SLC2A3: variants seen among roughly 807,000 people sequenced by gnomAD.
SLC2A3 encodes the protein solute carrier family 2, facilitated glucose transporter member 3.
Under a neutral mutation model 46.4 loss-of-function variants are expected in SLC2A3, and 21 were observed. The observed-to-expected ratio is 0.45, with a 90% CI of 0.32 to 0.65. The LOEUF (loss-of-function observed/expected upper bound fraction) is 0.65. Ranked by LOEUF, SLC2A3 falls within the 30% of genes least tolerant of loss-of-function variation. SLC2A3 has a pLI of 0.04. For missense variants in SLC2A3, 499 were observed against 623.3 expected, an observed-to-expected ratio of 0.80 and a Z score of 2.12; for synonymous variants, 213 against 239.4, an observed-to-expected ratio of 0.89 and a Z score of 1.02.
chr12:7,929,919 C>G (rs781731264), intron 5 of SLC2A3, 48 bp from the exon 6 acceptor site: 2 of 1,612,284 alleles, frequency 1.2e-6, no homozygotes, highest in South Asian at 2.2e-5. Flanking sequence ...TGTGCTGCCC[C>G]AAATTCATTC....
intron 1 of SLC2A3, among the ~76,000 whole-genome samples, chr12:7,934,526 C>T (rs1020531708): frequency 2.0e-5 from 3 of 152,148 alleles, no homozygotes; most frequent in South Asian, 2.1e-4. Context: ...TTACTCTGAA[C>T]CCAACATATA....
At position 7,930,514 on chromosome 12, in the gene SLC2A3, G is replaced by A. The variant is rs778142486; in HGVS notation, c.639C>T (p.Leu213=). The change falls in exon 5 of 10, where the codon CTC becomes CTT. Residue 213 remains leucine, a synonymous_variant. Coordinates refer to ENST00000075120, the MANE Select transcript of SLC2A3 (RefSeq NM_006931.3). ...CATTCTCCTCTTCTTTTCTGTTAAT[G>A]AGCAAAAATCTGGGACTTTCAGGGC... The part of the protein sequence containing the change: ...PFCPESPRFL[L]INRKEEENAK... 8 of 1,613,612 alleles carry A rather than the reference G, an allele frequency of 5.0e-6. No individual in the cohort carries two copies. Among genetic ancestry groups the A allele is most frequent in the Middle Eastern group, 1.6e-4 (1 of 6,082 alleles).
chr12:7,936,129 C>T lies in SLC2A3; in HGVS notation c.-95G>A. ...AAAACCTTCAAAATGTCCTTCTCAG[C>T]AGCAAGTTTTCTCCACGTCCTCAGG... is the stretch of plus-strand genomic sequence containing the variant. On this transcript the variant is annotated 5_prime_UTR_variant, in exon 1 of 10. Transcript: ENST00000075120. 9.4e-7 allele frequency: 1 copy of T among 1,067,916 alleles called. No homozygotes were observed. Among genetic ancestry groups the T allele is most frequent in the Non-Finnish European group, 1.5e-6 (1 of 685,632 alleles). The allele number at this position is 1,067,916 out of a possible 1,614,324, so 66.2% of individuals were successfully genotyped here. A position where few individuals can be genotyped will look rare whatever the true frequency, so the allele number is the denominator to read the frequency against.
intron 6 of SLC2A3, among the ~76,000 whole-genome samples, chr12:7,928,608 A>C (rs906900284): frequency 1.3e-5 from 2 of 151,816 alleles, no homozygotes; most frequent in Non-Finnish European, 1.5e-5. Flanking sequence ...GAACTAACGC[A>C]AGGTACATTC....
chr12:7,922,645 T>C (rs1484490996), intron 9 of SLC2A3, among the ~76,000 whole-genome samples, 176 bp downstream of exon 9: 1 of 152,028 alleles, frequency 6.6e-6, no homozygotes, highest in East Asian at 1.9e-4. Context: ...AATTTCACCA[T>C]GTTGGCCAGG....
At chr12:7,926,829 AAAT>A (rs1366940274) in intron 6 of SLC2A3, among the ~76,000 whole-genome samples, 4 of 152,154 alleles carry the variant, frequency 2.6e-5, no homozygotes, top group African/African-American at 7.2e-5. Flanking sequence ...GTGTTTTATG[AAAT>A]AATACCAGCT....
In SLC2A3 at chr12:7,921,516, C is replaced by T. The variant is rs755803919; in HGVS notation, c.1388G>A (p.Arg463Gln). The T allele has an allele frequency of 2.2e-5, 35 of 1,613,724 alleles. No individual in the cohort carries two copies. The highest frequency in any genetic ancestry group is 2.5e-5 in the Non-Finnish European group (30 of 1,179,854). Residue 463 changes from arginine to glutamine, a missense_variant, in exon 10 of 10, where the codon CGG becomes CAG. Arg to Gln is a conservative substitution (Grantham distance 43). Transcript: ENST00000075120. Reference protein sequence around the residue: ...TRGRTFEDITRAFEGQAHGAD... With the variant: ...TRGRTFEDITQAFEGQAHGAD... ...ACCGTGTGCCTGCCCTTCAAAGGCC[C>T]GTGTGATATCCTCAAAAGTCCTGCC...
chr12:7,923,097 T>G (rs975302440), intron 8 of SLC2A3, 73 bp from the exon 9 acceptor site: 6 of 1,398,688 alleles, frequency 4.3e-6, no homozygotes, highest in African/African-American at 1.4e-5. Flanking sequence ...CCAGAAGCAA[T>G]TAACGGCAAG....
chr12:7,923,572 G>A (rs1946061747), intron 8 of SLC2A3, among the ~76,000 whole-genome samples: 1 of 152,064 alleles, frequency 6.6e-6, no homozygotes, highest in African/African-American at 2.4e-5. Flanking sequence ...CTGAGATCCT[G>A]CCACTGCTCT....
chr12:7,934,892 T>C (rs1946196954), intron 1 of SLC2A3, among the ~76,000 whole-genome samples: 1 of 152,188 alleles, frequency 6.6e-6, no homozygotes, highest in South Asian at 2.1e-4. Flanking sequence ...TTTTTCCGTT[T>C]AGTAAAAATC....
chr12:7,926,195 G>A (rs1223373551), intron 6 of SLC2A3, among the ~76,000 whole-genome samples: 3 of 152,178 alleles, frequency 2.0e-5, no homozygotes, highest in East Asian at 3.9e-4. Context: ...AGATTCAAGC[G>A]ATTCTCCTGC....
chr12:7,935,482 A>G (rs1175481816), intron 1 of SLC2A3, among the ~76,000 whole-genome samples: 3 of 152,182 alleles, frequency 2.0e-5, no homozygotes. Context: ...CTCCCTGCAA[A>G]TAATGCATAT....
rs769027464 is a variant in SLC2A3, at chr12:7,921,539, G to T, written c.1365C>A (p.Gly455=). 1 of 1,613,908 alleles carries T rather than the reference G, an allele frequency of 6.2e-7. No individual in the cohort carries two copies. The highest frequency in any genetic ancestry group is 1.1e-5 in the South Asian group (1 of 91,070). ...CCCGTGTGATATCCTCAAAAGTCCT[G>T]CCACGGGTCTCAGGGACTTTGAAGA... ...FTFFKVPETR[G]RTFEDITRAF... is the part of the protein sequence containing the mutation. Residue 455 remains glycine (G), a synonymous_variant, in exon 10 of 10, where the codon GGC becomes GGA. Coordinates refer to ENST00000075120, the MANE Select transcript of SLC2A3 (RefSeq NM_006931.3).
chr12:7,922,668 T>C (rs900537105), intron 9 of SLC2A3, among the ~76,000 whole-genome samples, 153 bp downstream of exon 9: 1 of 152,110 alleles, frequency 6.6e-6, no homozygotes, highest in Non-Finnish European at 1.5e-5. Flanking sequence ...GGTCTTGAAC[T>C]CCTGACCTCA....
chr12:7,931,583 A>C, intron 3 of SLC2A3, 98 bp from the exon 4 acceptor site: 30 of 1,494,480 alleles, frequency 2.0e-5, no homozygotes, highest in South Asian at 2.6e-5. Flanking sequence ...GGCTCATATC[A>C]TCCCTTTTTT....
chr12:7,935,280 C>T (rs2300144), intron 1 of SLC2A3, among the ~76,000 whole-genome samples: 6,126 of 152,134 alleles, frequency 0.04, 342 homozygotes, highest in African/African-American at 0.12. Context: ...TAGAGAAACC[C>T]CGTCTCTACT....
Position 7,931,854 on chromosome 12 carries a change from T to C in SLC2A3, c.270-369A>G, listed in dbSNP as rs776082594. Among the ~76,000 whole-genome samples, 18 of 150,808 alleles carry C rather than the reference T, an allele frequency of 1.2e-4. 1 individual carries two copies. The highest frequency in any genetic ancestry group is 3.2e-3 in the Middle Eastern group (1 of 308). On this transcript the variant is annotated intron_variant, in intron 3 of 9. Transcript: ENST00000075120. ...ACCGATTTTTAAATGTGAATTCCAA[T>C]TGCATTTCTAGAATATCTAATTGGC...
chr12:7,927,258 T>TTA (rs1262320913), intron 6 of SLC2A3, among the ~76,000 whole-genome samples: 4 of 152,162 alleles, frequency 2.6e-5, no homozygotes, highest in African/African-American at 7.2e-5. Flanking sequence ...TCTCAACATA[T>TTA]TATATGATGG....
At chr12:7,925,754 TA>T in intron 7 of SLC2A3, 89 bp downstream of exon 7, 1 of 1,011,756 alleles carries the variant, frequency 9.9e-7, no homozygotes, top group Non-Finnish European at 1.5e-6. Flanking sequence ...AAAAGGTAAC[TA>T]AATGATGGTA....
Sources: gnomAD v4.1 joint callset for allele counts (sites outside exome capture counted in the v4.1 genomes callset) on GRCh38, gnomAD v4.1.1 for gene constraint, MANE v1.5 for transcripts, NCBI Gene and HGNC (gene_info 2026-07-23, HGNC 2026-07-21) for gene names.